MEGF6: variants seen among roughly 807,000 people sequenced by gnomAD.
MEGF6 encodes multiple epidermal growth factor-like domains protein 6.
A neutral mutation model predicts 207.1 loss-of-function variants in MEGF6; 184 were observed. The ratio of observed to expected loss-of-function variants is 0.89; its 90% confidence interval spans 0.79 to 1.00. The LOEUF (loss-of-function observed/expected upper bound fraction) is 1.00. Among genes scored for constraint, MEGF6 ranks in the 50% least tolerant of loss-of-function variants. The pLI, the probability that MEGF6 is intolerant of heterozygous loss-of-function variation, is 0.00. For missense variants in MEGF6, 2,282 were observed against 2,202.9 expected (o/e 1.04, Z -0.72); for synonymous variants, 1,038 against 910.0 (o/e 1.14, Z -2.53).
Position 3,510,786 on chromosome 1 carries a change from C to T in MEGF6, c.1231G>A (p.Glu411Lys), listed in dbSNP as rs779531342. 2.5e-6 allele frequency: 4 copies of T among 1,601,724 alleles called. No homozygotes were observed. The East Asian group carries it at 6.7e-5, about 27-fold the overall frequency. Residue 411 changes from glutamate (E) to lysine (K), a missense_variant, in exon 10 of 37, where the codon GAG (glutamate) becomes AAG (lysine). By Grantham distance (56) the Glu-to-Lys change is moderately conservative. Coordinates refer to ENST00000356575, the MANE Select transcript of MEGF6 (RefSeq NM_001409.4). ...GCAGTGGCAGGGCAGTGCTCACCCTCACAGCCGCAGCCATCGGCACTGAGC... is the reference window on the plus strand; with the variant it reads ...GCAGTGGCAGGGCAGTGCTCACCCTTACAGCCGCAGCCATCGGCACTGAGC... Reference protein sequence around the residue: ...YRLSADGCGCEDVDECASSRG... With the variant: ...YRLSADGCGCKDVDECASSRG...
At position 3,509,899 on chromosome 1, in the gene MEGF6, C is replaced by T. The variant is rs752985858; in HGVS notation, c.1328G>A (p.Arg443Gln). The change falls in exon 11 of 37, where the codon CGG becomes CAG. Residue 443 changes from arginine to glutamine, a missense_variant. Arg to Gln is a conservative substitution (Grantham distance 43, BLOSUM62 1). Coordinates refer to ENST00000356575, the MANE Select transcript of MEGF6 (RefSeq NM_001409.4). The stretch of plus-strand genomic sequence containing the variant: ...GCAGCCCCTACGGTCCTCGTGCAGC[C>T]GGTAGCCGGCCTCGCAGGAGCACTG... ...SFQCSCEAGY[R>Q]LHEDRRGCSP... 4.0e-5 allele frequency: 62 copies of T among 1,560,216 alleles called. No homozygotes were observed. The highest frequency in any genetic ancestry group is 8.1e-5 in the African/African-American group (6 of 73,866).
chr1:3,501,240 A>G lies in MEGF6; in HGVS notation c.2383T>C (p.Cys795Arg). The G allele has an allele frequency of 6.2e-7, 1 of 1,611,044 alleles. No individual in the cohort carries two copies. Among genetic ancestry groups the G allele is most frequent in the Non-Finnish European group, 8.5e-7 (1 of 1,179,340 alleles). ...ICPACQHAAR[C>R]DPETGACLCL... The stretch of plus-strand genomic sequence containing the variant: ...AGGCAGGCTCCGGTCTCAGGGTCGC[A>G]GCGGGCAGCGTGCTGGCATGCTGGG... Residue 795 changes from cysteine (C) to arginine (R), a missense_variant, in exon 19 of 37, where the codon TGC becomes CGC. Physicochemically the swap from Cys to Arg is radical, Grantham distance 180 (BLOSUM62 -3). Transcript: ENST00000356575.
At position 3,496,747 on chromosome 1, in the gene MEGF6, T is replaced by C; in HGVS notation, c.3650A>G (p.Gln1217Arg). Residue 1217 changes from glutamine (Q) to arginine (R), a missense_variant, in exon 29 of 37, where the codon CAG becomes CGG. Coordinates refer to ENST00000356575, the MANE Select transcript of MEGF6 (RefSeq NM_001409.4). Reference sequence around the variant, plus strand: ...GCCCCCGTTGAGACACCCACACAGCTGTTCACAGCCTGGCCCATACCGCCC... The same window carrying C: ...GCCCCCGTTGAGACACCCACACAGCCGTTCACAGCCTGGCCCATACCGCCC... The part of the protein sequence containing the change: ...PPGRYGPGCE[Q>R]LCGCLNGGSC... 1 of 1,560,222 alleles carries C rather than the reference T, an allele frequency of 6.4e-7. No individual in the cohort carries two copies. Among genetic ancestry groups the C allele is most frequent in the Non-Finnish European group, 8.7e-7 (1 of 1,152,596 alleles).
rs781738907 is a variant in MEGF6, at chr1:3,595,314, C to A, written c.376+24G>T. ...CTCTGGGGTGGAGGTGGAGGGAGGG[C>A]GGGGAGGCGCAGGCGGCACTCACCC... On this transcript the variant is annotated intron_variant, in intron 3 of 36. Coordinates refer to ENST00000356575, the MANE Select transcript of MEGF6 (RefSeq NM_001409.4). 1.2e-5 allele frequency: 16 copies of A among 1,298,292 alleles called. 1 individual carries two copies. Among genetic ancestry groups the A allele is most frequent in the Non-Finnish European group, 1.6e-5 (15 of 954,098 alleles). 80.4% of individuals were successfully genotyped at this position (1,298,292 alleles called of 1,614,324 possible).
intron 21 of MEGF6, 60 bp from the exon 22 acceptor site, chr1:3,499,984 G>T: frequency 6.7e-7 from 1 of 1,496,072 alleles, no homozygotes; most frequent in East Asian, 2.5e-5. Context: ...ACCCAGCCGT[G>T]CCCGGGCCTT....
chr1:3,578,242 C>T (rs752586797), intron 4 of MEGF6, among the ~76,000 whole-genome samples: 1 of 152,244 alleles, frequency 6.6e-6, no homozygotes, highest in Non-Finnish European at 1.5e-5. Flanking sequence ...CCCCAGCCTG[C>T]CCAGTCAGCC....
At chr1:3,541,491 G>C (rs372453578) in intron 4 of MEGF6, among the ~76,000 whole-genome samples, 2 of 152,364 alleles carry the variant, frequency 1.3e-5, no homozygotes, top group African/African-American at 4.8e-5. Flanking sequence ...GGGGCTCATG[G>C]AGTGCAGGCG....
chr1:3,500,983 C>T lies in MEGF6; in HGVS notation c.2558G>A (p.Gly853Asp), dbSNP rs552490933. The T allele has an allele frequency of 1.5e-5, 24 of 1,611,978 alleles. No individual in the cohort carries two copies. The East Asian group carries it at 5.1e-4, about 34-fold the overall frequency. The change falls in exon 20 of 37, where the codon GGC becomes GAC. Residue 853 changes from glycine (G) to aspartate (D), a missense_variant. Physicochemically the swap from Gly to Asp is moderately conservative, Grantham distance 94. Transcript: ENST00000356575. Reference sequence around the variant, plus strand: ...CCCCGTACCTCTCTGGCAGCTAAAGCCGGTCCACCCGGGGGCACAGCTGCA... The same window carrying T: ...CCCCGTACCTCTCTGGCAGCTAAAGTCGGTCCACCCGGGGGCACAGCTGCA... ...GHCSCAPGWT[G>D]FSCQRACDTG... is the part of the protein sequence containing the mutation.
At chr1:3,515,683 G>A (rs1055300451) in intron 5 of MEGF6, among the ~76,000 whole-genome samples, 156 bp from the exon 6 acceptor site, 2 of 152,214 alleles carry the variant, frequency 1.3e-5, no homozygotes, top group African/African-American at 2.4e-5. Flanking sequence ...CATCTCCATC[G>A]TCACACGCTG....
chr1:3,548,349 G>C (rs1049470744), intron 4 of MEGF6, among the ~76,000 whole-genome samples: 1 of 152,370 alleles, frequency 6.6e-6, no homozygotes, highest in East Asian at 1.9e-4. Flanking sequence ...CAAAGGCCTC[G>C]GGGCGGCCAC....
At chr1:3,550,202 A>G (rs755425404) in intron 4 of MEGF6, among the ~76,000 whole-genome samples, 10 of 152,196 alleles carry the variant, frequency 6.6e-5, no homozygotes, top group Non-Finnish European at 1.0e-4. Context: ...AAATAGAAAC[A>G]GGGACTCAAA....
intron 17 of MEGF6, among the ~76,000 whole-genome samples, 167 bp downstream of exon 17, chr1:3,505,041 G>A (rs1399607722): frequency 8.5e-6 from 1 of 118,040 alleles, no homozygotes; most frequent in Non-Finnish European, 1.8e-5. Context: ...GGCCGTCAAG[G>A]CAACACCGGT....
Position 3,556,763 on chromosome 1 carries a change from A to T in MEGF6, c.481+23062T>A, listed in dbSNP as rs778293295. Among the ~76,000 whole-genome samples, 1 of 152,116 alleles carries T rather than the reference A, an allele frequency of 6.6e-6. No homozygotes were observed. Among genetic ancestry groups the T allele is most frequent in the Non-Finnish European group, 1.5e-5 (1 of 68,018 alleles). Reference sequence around the variant, plus strand: ...GCAGAAGAGGCTCCAGTGAAAACACAAGGATGCAGGTACTTCACGTCCCTG... The same window carrying T: ...GCAGAAGAGGCTCCAGTGAAAACACTAGGATGCAGGTACTTCACGTCCCTG... On this transcript the variant is annotated intron_variant, in intron 4 of 36. Coordinates refer to ENST00000356575, the MANE Select transcript of MEGF6 (RefSeq NM_001409.4). The surrounding 1 kb of genome is among the most constrained non-coding windows in gnomAD (Gnocchi z 4.4).
chr1:3,508,702 C>G lies in MEGF6; in HGVS notation c.1529-13G>C, dbSNP rs781125147. The G allele has an allele frequency of 3.7e-6, 6 of 1,612,154 alleles. No individual in the cohort carries two copies. Among genetic ancestry groups the G allele is most frequent in the South Asian group, 1.1e-5 (1 of 90,956 alleles). Reference sequence around the variant, plus strand: ...TCATCCAGGCAGACTGGGGGCAGACCAGGATGGGGGGATTCAGAGCCTGAC... The same window carrying G: ...TCATCCAGGCAGACTGGGGGCAGACGAGGATGGGGGGATTCAGAGCCTGAC... On this transcript the variant is annotated splice_polypyrimidine_tract_variant and intron_variant, in intron 12 of 36. Coordinates refer to ENST00000356575, the MANE Select transcript of MEGF6 (RefSeq NM_001409.4).
chr1:3,554,858 T>C (rs1642988202), intron 4 of MEGF6, among the ~76,000 whole-genome samples: 1 of 152,208 alleles, frequency 6.6e-6, no homozygotes, highest in Non-Finnish European at 1.5e-5. Flanking sequence ...CACAGTTCCC[T>C]GAGATTAGGC....
At chr1:3,492,829 G>A in intron 34 of MEGF6, 62 bp from the exon 35 acceptor site, 1 of 1,575,124 alleles carries the variant, frequency 6.3e-7, no homozygotes, top group African/African-American at 1.3e-5. Flanking sequence ...CCGCGCCAAG[G>A]AGCCTGGGCC....
rs1557739660 is a variant in MEGF6, at chr1:3,515,432, G to A, written c.700C>T (p.Gln234Ter). 1 of 1,612,574 alleles carries A rather than the reference G, an allele frequency of 6.2e-7. No homozygotes were observed. Residue 234 changes from glutamine to a stop codon, truncating the protein, a stop_gained, in exon 6 of 37, where the codon CAG (glutamine) becomes TAG (stop). Coordinates refer to ENST00000356575, the MANE Select transcript of MEGF6 (RefSeq NM_001409.4). LOFTEE classifies it high-confidence loss of function. Reference sequence around the variant, plus strand: ...CAATGCCTGCCGTCCTCCTGGAGCTGGAACCCGGGCCGGCACTGGCAGCGA... The same window carrying A: ...CAATGCCTGCCGTCCTCCTGGAGCTAGAACCCGGGCCGGCACTGGCAGCGA... ...RHRCQCRPGF[Q>*]LQEDGRHCVR...
chr1:3,569,687 C>T (rs1264619647), intron 4 of MEGF6, among the ~76,000 whole-genome samples: 3 of 152,230 alleles, frequency 2.0e-5, no homozygotes, highest in African/African-American at 4.8e-5. Context: ...GTTGAAGTGG[C>T]CTGCCACCGG....
Position 3,497,213 on chromosome 1 carries a change from G to T in MEGF6, c.3481+20C>A. The T allele has an allele frequency of 6.6e-7, 1 of 1,513,272 alleles. No individual in the cohort carries two copies. The highest frequency in any genetic ancestry group is 8.8e-7 in the Non-Finnish European group (1 of 1,131,632). The allele number at this position is 1,513,272 out of a possible 1,614,324, so 93.7% of individuals were successfully genotyped here. A position where few individuals can be genotyped will look rare whatever the true frequency, so the allele number is the denominator to read the frequency against. On this transcript the variant is annotated intron_variant, in intron 27 of 36. Transcript: ENST00000356575. ...CCCCTGCCCAGCCGCTCCTCGGGGT[G>T]GGGGCTTGGGAGCACCTACCCTGCT...
Sources: allele counts gnomAD v4.1 joint callset (sites outside exome capture counted in the v4.1 genomes callset), GRCh38; gene constraint gnomAD v4.1.1; non-coding constraint Gnocchi (gnomAD v3.1); transcripts MANE v1.5; gene names NCBI Gene and HGNC (gene_info 2026-07-23, HGNC 2026-07-21).